The following ADAMTSL3 variants were observed in gnomAD, a reference collection of about 807,000 sequenced individuals.
The protein encoded by ADAMTSL3 is ADAMTS-like protein 3.
A neutral mutation model predicts 201.7 loss-of-function variants in ADAMTSL3; 128 were observed. The ratio of observed to expected loss-of-function variants is 0.63; its 90% CI spans 0.55 to 0.73. The LOEUF (loss-of-function observed/expected upper bound fraction) is 0.73. Ranked by LOEUF, ADAMTSL3 falls within the 30% of genes least tolerant of loss-of-function variation. ADAMTSL3 has a pLI of 0.00. For synonymous variants in ADAMTSL3, 738 were observed against 748.4 expected, an observed-to-expected ratio of 0.99 and a Z score of 0.23; for missense variants, 1,990 against 2,119.6, an observed-to-expected ratio of 0.94 and a Z score of 1.20.
At chr15:83,816,479 G>C (rs2063772990) in intron 5 of ADAMTSL3, among the ~76,000 whole-genome samples, 2 of 152,142 alleles carry the variant, frequency 1.3e-5, no homozygotes, top group African/African-American at 4.8e-5. Flanking sequence ...TATGTTTAAG[G>C]GAGTCGAGAG....
chr15:83,966,283 C>G (rs1231586362), intron 19 of ADAMTSL3, among the ~76,000 whole-genome samples: 1 of 152,086 alleles, frequency 6.6e-6, no homozygotes, highest in Non-Finnish European at 1.5e-5. Context: ...ACATAGACAG[C>G]TAGCCAGACT....
At position 84,025,261 on chromosome 15, in the gene ADAMTSL3, A is replaced by G; in HGVS notation, c.4481A>G (p.Gln1494Arg). 1.9e-6 allele frequency: 3 copies of G among 1,610,320 alleles called. No homozygotes were observed. The highest frequency in any genetic ancestry group is 2.5e-6 in the Non-Finnish European group (3 of 1,178,276). ...PARWFTSVWS[Q>R]CSVSCGEGYH... ...AGGTGGTTCACAAGTGTGTGGTCACAGTGCTCTGTGTCTTGCGGTGAAGGA... is the reference window on the plus strand; with the variant it reads ...AGGTGGTTCACAAGTGTGTGGTCACGGTGCTCTGTGTCTTGCGGTGAAGGA... Residue 1494 changes from glutamine (Q) to arginine (R), a missense_variant, in exon 27 of 30, where the codon CAG becomes CGG. Coordinates refer to ENST00000286744, the MANE Select transcript of ADAMTSL3 (RefSeq NM_207517.3).
At chr15:83,684,505 A>G (rs1358641881) in intron 2 of ADAMTSL3, among the ~76,000 whole-genome samples, 1 of 152,066 alleles carries the variant, frequency 6.6e-6, no homozygotes, top group East Asian at 1.9e-4. Context: ...TTGAGGCTGT[A>G]GTGTGCTATA....
intron 3 of ADAMTSL3, among the ~76,000 whole-genome samples, chr15:83,742,508 G>T (rs1189110162): frequency 1.3e-5 from 2 of 151,974 alleles, no homozygotes; most frequent in African/African-American, 4.8e-5. Flanking sequence ...GCTTTCAAAA[G>T]GCTAAATTTA....
At position 83,801,644 on chromosome 15, in the gene ADAMTSL3, A is replaced by AT. The variant is rs1491410576; in HGVS notation, c.318-3006_318-3005insT. Reference sequence around the variant, plus strand: ...TGAAATTTTATATATATAAATATATAAATATAAATATATATATATATATAT... The same window carrying AT: ...TGAAATTTTATATATATAAATATATATAATATAAATATATATATATATATAT... On this transcript the variant is annotated intron_variant, in intron 4 of 29. Coordinates refer to ENST00000286744, the MANE Select transcript of ADAMTSL3 (RefSeq NM_207517.3). Among the ~76,000 whole-genome samples the AT allele has an allele frequency of 3.0e-3, 57 of 19,076 alleles. 1 individual carries two copies. Among genetic ancestry groups the AT allele is most frequent in the East Asian group, 4.7e-3 (1 of 212 alleles). The allele number at this position is 19,076 out of a possible 152,430, so 12.5% of individuals were successfully genotyped here.
chr15:83,685,034 G>A (rs2061517905), intron 2 of ADAMTSL3, among the ~76,000 whole-genome samples: 1 of 152,054 alleles, frequency 6.6e-6, no homozygotes, highest in African/African-American at 2.4e-5. Context: ...TTTTTTGCCA[G>A]TTCATGGTTA....
chr15:83,915,933 G>A (rs1267603324), intron 16 of ADAMTSL3, among the ~76,000 whole-genome samples: 1 of 152,200 alleles, frequency 6.6e-6, no homozygotes, highest in Non-Finnish European at 1.5e-5. Context: ...AGGGTATTGA[G>A]AATAGTGCTG....
intron 26 of ADAMTSL3, among the ~76,000 whole-genome samples, chr15:84,022,879 C>G (rs1040538330): frequency 6.6e-6 from 1 of 152,184 alleles, no homozygotes; most frequent in Non-Finnish European, 1.5e-5. Context: ...GTGCATACTT[C>G]TCCCTCTGCC....
chr15:83,754,362 T>C (rs959648680), intron 3 of ADAMTSL3, among the ~76,000 whole-genome samples: 5 of 152,182 alleles, frequency 3.3e-5, no homozygotes, highest in Non-Finnish European at 7.3e-5. Context: ...CTCGCAGGAA[T>C]GCCAGCCACC....
chr15:83,714,036 T>C (rs542546049), intron 3 of ADAMTSL3, among the ~76,000 whole-genome samples: 1 of 152,330 alleles, frequency 6.6e-6, no homozygotes, highest in East Asian at 1.9e-4. Flanking sequence ...TATGGATACC[T>C]GAGGCCAGGC....
rs1204456078 is a variant in ADAMTSL3, at chr15:84,039,063, T to C, written c.*1257T>C. On this transcript the variant is annotated 3_prime_UTR_variant, in exon 30 of 30. Coordinates refer to ENST00000286744, the MANE Select transcript of ADAMTSL3 (RefSeq NM_207517.3). ...CGTTGTTGCTGAAGTGAGTTCAGGC[T>C]AGCATTAAATTGTAAGTTCTGAAGC... is the stretch of plus-strand genomic sequence containing the variant. 3 of 152,564 alleles carry C rather than the reference T, an allele frequency of 2.0e-5. No individual in the cohort carries two copies. Among genetic ancestry groups the C allele is most frequent in the Non-Finnish European group, 4.4e-5 (3 of 68,062 alleles). 9.5% of individuals were successfully genotyped at this position (152,564 alleles called of 1,614,324 possible). A position where few individuals can be genotyped will look rare whatever the true frequency, so the allele number is the denominator to read the frequency against.
chr15:83,836,885 C>T (rs561501126), intron 6 of ADAMTSL3, among the ~76,000 whole-genome samples: 13 of 152,110 alleles, frequency 8.5e-5, no homozygotes, highest in African/African-American at 2.9e-4. Context: ...AAAGTCCCTG[C>T]ACTTAAACAC....
intron 17 of ADAMTSL3, 143 bp downstream of exon 17, chr15:83,924,176 T>A: frequency 8.7e-7 from 1 of 1,154,590 alleles, no homozygotes. Context: ...TTGCTCAAGT[T>A]ATGCTCCAGC....
Position 84,036,935 on chromosome 15 carries a change from A to G in ADAMTSL3, c.4917A>G (p.Val1639=). 1 of 1,614,136 alleles carries G rather than the reference A, an allele frequency of 6.2e-7. No homozygotes were observed. Among genetic ancestry groups the G allele is most frequent in the Non-Finnish European group, 8.5e-7 (1 of 1,180,026 alleles). Residue 1639 remains valine (V), a synonymous_variant, in exon 29 of 30, where the codon GTA becomes GTG. Transcript: ENST00000286744. The stretch of plus-strand genomic sequence containing the variant: ...AACCTGTGGCCAAGAGACACTGTGT[A>G]CAGAAAAAGAAACCAATTTCCTGGC... The part of the protein sequence containing the change: ...SCKPVAKRHC[V]QKKKPISWRH...
At chr15:83,802,507 C>T (rs929244870) in intron 4 of ADAMTSL3, among the ~76,000 whole-genome samples, 1 of 152,124 alleles carries the variant, frequency 6.6e-6, no homozygotes, top group Admixed American at 6.6e-5. Context: ...CAATAGAATG[C>T]CAGCCGGCAA....
At chr15:83,701,847 G>C (rs900026779) in intron 2 of ADAMTSL3, among the ~76,000 whole-genome samples, 1 of 152,158 alleles carries the variant, frequency 6.6e-6, no homozygotes, top group African/African-American at 2.4e-5. Context: ...CAGTGGAATC[G>C]GGTGCTGCTG....
intron 3 of ADAMTSL3, among the ~76,000 whole-genome samples, chr15:83,719,812 T>TTTCA (rs781072647): frequency 1.3e-5 from 2 of 152,314 alleles, no homozygotes; most frequent in East Asian, 1.9e-4. Context: ...GTGAATTGGA[T>TTTCA]AGTGTCATTC....
chr15:83,863,804 CA>C (rs1220323638), intron 8 of ADAMTSL3, among the ~76,000 whole-genome samples: 8 of 151,972 alleles, frequency 5.3e-5, no homozygotes, highest in East Asian at 1.9e-4. Flanking sequence ...AAAAACCCTT[CA>C]AAAAAATCAA....
At chr15:83,684,046 G>A (rs2061508472) in intron 2 of ADAMTSL3, among the ~76,000 whole-genome samples, 1 of 152,150 alleles carries the variant, frequency 6.6e-6, no homozygotes, top group Non-Finnish European at 1.5e-5. Context: ...CAACCTTAGA[G>A]CTTCATAGTA....
Sources: allele counts gnomAD v4.1 joint callset (sites outside exome capture counted in the v4.1 genomes callset), GRCh38; gene constraint gnomAD v4.1.1; transcripts MANE v1.5; gene names NCBI Gene and HGNC (gene_info 2026-07-23, HGNC 2026-07-21).